LAMB1: variants seen among roughly 807,000 people sequenced by gnomAD.
LAMB1 encodes the protein laminin subunit beta 1, also known as laminin subunit beta-1.
LAMB1 carries 121 observed loss-of-function variants against 222.3 expected under a neutral mutation model. That is an observed-to-expected ratio of 0.54 (90% CI 0.47 to 0.63). The LOEUF (loss-of-function observed/expected upper bound fraction) is 0.63. Ranked by LOEUF, LAMB1 falls within the 30% of genes least tolerant of loss-of-function variation. LAMB1 has a pLI of 0.00. For missense variants in LAMB1, 2,172 were observed against 2,240.8 expected, an observed-to-expected ratio of 0.97 and a Z score of 0.62; for synonymous variants, 794 against 807.2, an observed-to-expected ratio of 0.98 and a Z score of 0.28.
chr7:107,925,649 T>G (rs968692249), intron 32 of LAMB1, among the ~76,000 whole-genome samples: 2 of 152,188 alleles, frequency 1.3e-5, no homozygotes, highest in African/African-American at 4.8e-5. Context: ...GGCTTCTGAT[T>G]AAACATTTGG....
chr7:107,979,739 T>C (rs560455741), intron 8 of LAMB1, among the ~76,000 whole-genome samples: 1 of 152,312 alleles, frequency 6.6e-6, no homozygotes, highest in Non-Finnish European at 1.5e-5. Context: ...ACCAACTCCA[T>C]TTGATCCCTA....
intron 8 of LAMB1, among the ~76,000 whole-genome samples, chr7:107,979,251 GT>G (rs2033927388): frequency 6.6e-6 from 1 of 152,180 alleles, no homozygotes; most frequent in Non-Finnish European, 1.5e-5. Flanking sequence ...TTCAGGCTCC[GT>G]CAAAAATTCA....
rs750038301 is a variant in LAMB1 at position 107,940,294 on chromosome 7, G to C, written c.3456C>G (p.Val1152=). The change falls in exon 25 of 34, where the codon GTC becomes GTG. Residue 1152 remains valine, a synonymous_variant. Coordinates refer to ENST00000222399, the MANE Select transcript of LAMB1 (RefSeq NM_002291.3). The part of the protein sequence containing the change: ...PQCDQSTGQC[V]CVEGVEGPRC... ...GTGGACCCTCAACACCCTCAACGCA[G>C]ACACACTGGCCCGTGGACTGGTCAC... The C allele has an allele frequency of 5.6e-6, 9 of 1,614,100 alleles. No homozygotes were observed. The highest frequency in any genetic ancestry group is 1.7e-5 in the Admixed American group (1 of 60,006).
intron 5 of LAMB1, 130 bp from the exon 6 acceptor site, chr7:107,986,493 G>A (rs1471611818): frequency 5.7e-6 from 4 of 698,138 alleles, no homozygotes; most frequent in Non-Finnish European, 4.6e-6. Flanking sequence ...ATTTCAGACT[G>A]TGGCTGGATT....
intron 2 of LAMB1, among the ~76,000 whole-genome samples, chr7:108,002,616 G>A (rs1459402060): frequency 6.6e-6 from 1 of 152,224 alleles, no homozygotes; most frequent in Non-Finnish European, 1.5e-5. Context: ...GGAGGCCGCA[G>A]GGGCCGGGGC....
rs2032631728 is a variant in LAMB1, at chr7:107,928,808, T to TA, written c.4887+255dup. 2.0e-5 allele frequency among the ~76,000 whole-genome samples: 3 copies of TA among 152,358 alleles called. No individual in the cohort carries two copies. The South Asian group carries it at 6.2e-4, about 32-fold the overall frequency. ...ATGCCCGCCCAAGAATAGAAGTTTT[T>TA]ATCTTTCTCAGACTTTGTGGGGGAG... On this transcript the variant is annotated intron_variant, in intron 31 of 33. Transcript: ENST00000222399.
rs1328897482 is a variant in LAMB1 at position 107,975,750 on chromosome 7, C to G, written c.1128G>C (p.Gln376His). Residue 376 changes from glutamine to histidine, a missense_variant, in exon 10 of 34, where the codon CAG becomes CAC. By Grantham distance (24) the Gln-to-His change is conservative (BLOSUM62 0). Transcript: ENST00000222399. ...QHNTMGRNCEQCKPFYYQHPE... is the reference protein window; with the variant it reads ...QHNTMGRNCEHCKPFYYQHPE... Reference sequence around the variant, plus strand: ...GGTGCTGGTAGTAAAACGGCTTGCACTGCTCACAGTTGCGCCCCATGGTGT... The same window carrying G: ...GGTGCTGGTAGTAAAACGGCTTGCAGTGCTCACAGTTGCGCCCCATGGTGT... 2 of 1,614,000 alleles carry G rather than the reference C, an allele frequency of 1.2e-6. No individual in the cohort carries two copies. The highest frequency in any genetic ancestry group is 2.2e-5 in the South Asian group (2 of 91,070).
chr7:107,977,353 A>C (rs903932295), intron 9 of LAMB1, among the ~76,000 whole-genome samples: 2 of 152,120 alleles, frequency 1.3e-5, no homozygotes, highest in African/African-American at 4.8e-5. Flanking sequence ...AAAACCCCTG[A>C]GATGGATGGA....
intron 5 of LAMB1, among the ~76,000 whole-genome samples, chr7:107,986,960 A>G (rs1458385959): frequency 1.3e-5 from 2 of 152,230 alleles, no homozygotes; most frequent in East Asian, 3.8e-4. Context: ...ATACACCCGG[A>G]AGAATTGAAA....
chr7:107,955,588 T>A lies in LAMB1; in HGVS notation c.2733A>T (p.Gly911=), dbSNP rs762465458. The part of the protein sequence containing the change: ...GYYGDPIIGS[G]DHCRPCPCPD... ...GGCAAGGGCAAGGGCGGCAGTGATC[T>A]CCTGACCCAATGATGGGGTCGCCAT... Residue 911 remains glycine (G), a synonymous_variant, in exon 21 of 34, where the codon GGA becomes GGT. Transcript: ENST00000222399. The A allele has an allele frequency of 1.2e-6, 2 of 1,613,972 alleles. No individual in the cohort carries two copies. Among genetic ancestry groups the A allele is most frequent in the South Asian group, 2.2e-5 (2 of 91,050 alleles).
chr7:107,977,174 A>G (rs2033884120), intron 9 of LAMB1, among the ~76,000 whole-genome samples: 1 of 136,160 alleles, frequency 7.3e-6, no homozygotes. Flanking sequence ...TTTTACCTAC[A>G]AAGCAAGCCT....
At chr7:107,961,997 C>T (rs1482258480) in intron 15 of LAMB1, among the ~76,000 whole-genome samples, 1 of 152,162 alleles carries the variant, frequency 6.6e-6, no homozygotes, top group East Asian at 1.9e-4. Flanking sequence ...AATTCCTTTA[C>T]TAATCCTAGT....
intron 7 of LAMB1, among the ~76,000 whole-genome samples, chr7:107,983,102 G>A (rs898802602): frequency 1.3e-5 from 2 of 152,212 alleles, no homozygotes; most frequent in African/African-American, 4.8e-5. Context: ...TTGGCACAGA[G>A]CTGGACACAT....
chr7:107,971,095 T>G lies in LAMB1; in HGVS notation c.1562+1897A>C, dbSNP rs1012491710. 2.0e-5 allele frequency among the ~76,000 whole-genome samples: 3 copies of G among 152,314 alleles called. No individual in the cohort carries two copies. In the East Asian group the frequency reaches 5.8e-4, roughly 29 times the overall value. On this transcript the variant is annotated intron_variant, in intron 13 of 33. Transcript: ENST00000222399. ...TATAATAGACATGGATTATTAAACT[T>G]TTGTTGTACTACCAAAAATCCATTT... is the stretch of plus-strand genomic sequence containing the variant.
intron 5 of LAMB1, among the ~76,000 whole-genome samples, chr7:107,989,134 T>A (rs1384081902): frequency 2.0e-5 from 3 of 152,160 alleles, no homozygotes; most frequent in Admixed American, 6.5e-5. Flanking sequence ...AAGGCAGTCT[T>A]CTGAAACCAA....
chr7:107,954,048 G>A (rs1246287089), intron 21 of LAMB1, among the ~76,000 whole-genome samples: 1 of 152,182 alleles, frequency 6.6e-6, no homozygotes, highest in Non-Finnish European at 1.5e-5. Flanking sequence ...GCTGTGGACA[G>A]TTAGGTCCTA....
In LAMB1 at chr7:107,977,058, C is replaced by T. The variant is rs377128832; in HGVS notation, c.1000+989G>A. 1.6e-3 allele frequency among the ~76,000 whole-genome samples: 190 copies of T among 121,598 alleles called. 1 individual carries two copies. Among genetic ancestry groups the T allele is most frequent in the African/African-American group, 4.6e-3 (142 of 30,922 alleles). The allele number at this position is 121,598 out of a possible 152,430, so 79.8% of individuals were successfully genotyped here. A position where few individuals can be genotyped will look rare whatever the true frequency, so the allele number is the denominator to read the frequency against. On this transcript the variant is annotated intron_variant, in intron 9 of 33. Coordinates refer to ENST00000222399, the MANE Select transcript of LAMB1 (RefSeq NM_002291.3). ...CTCCCTCCTTCCTTCCTTTCCTCTC[C>T]CTCCTTCCTTCCTTTCCTCTCTCTC...
At chr7:107,979,788 C>T (rs930993916) in intron 8 of LAMB1, among the ~76,000 whole-genome samples, 1 of 152,154 alleles carries the variant, frequency 6.6e-6, no homozygotes, top group African/African-American at 2.4e-5. Context: ...ATTTTCCAGC[C>T]GTGGGCAGGG....
intron 24 of LAMB1, chr7:107,942,588 G>A (rs888517791): frequency 2.6e-5 from 4 of 152,170 alleles, no homozygotes; most frequent in African/African-American, 9.7e-5. Context: ...GTGACCCTGG[G>A]TAATCAGGAA....
Sources: gnomAD v4.1 joint callset for allele counts (sites outside exome capture counted in the v4.1 genomes callset) on GRCh38, gnomAD v4.1.1 for gene constraint, MANE v1.5 for transcripts, NCBI Gene and HGNC (gene_info 2026-07-23, HGNC 2026-07-21) for gene names.